The following PTPRD variants were observed in gnomAD, a reference collection of about 807,000 sequenced individuals.
PTPRD encodes the protein protein tyrosine phosphatase receptor type D, also known as receptor-type tyrosine-protein phosphatase delta.
PTPRD carries 34 observed loss-of-function variants against 214.5 expected under a neutral mutation model. The observed-to-expected ratio is 0.16, with a 90% CI of 0.12 to 0.21. The LOEUF (loss-of-function observed/expected upper bound fraction) is 0.21. Among genes scored for constraint, PTPRD ranks in the 10% least tolerant of loss-of-function variants. The probability of loss-of-function intolerance (pLI) is 1.00; values close to 1 mark genes in which losing one functional copy is unlikely to be tolerated. For missense variants in PTPRD, 2,545 were observed against 2,398.7 expected (o/e 1.06, Z -1.27); for synonymous variants, 1,128 against 845.7 (o/e 1.33, Z -5.79).
chr9:10,227,873 T>C (rs1256230441), intron 3 of PTPRD, among the ~76,000 whole-genome samples: 1 of 151,780 alleles, frequency 6.6e-6, no homozygotes, highest in East Asian at 2.0e-4. Flanking sequence ...CCGGCCCTAC[T>C]TGGCTGAGGA....
intron 4 of PTPRD, among the ~76,000 whole-genome samples, chr9:10,027,672 T>C (rs1005978738): frequency 3.3e-5 from 5 of 152,164 alleles, no homozygotes; most frequent in Non-Finnish European, 7.3e-5. Flanking sequence ...GAACTTGTCA[T>C]GGTTATGGCA....
chr9:9,887,198 A>G (rs534854752), intron 5 of PTPRD, among the ~76,000 whole-genome samples: 2 of 152,238 alleles, frequency 1.3e-5, no homozygotes, highest in South Asian at 4.1e-4. Context: ...CCTTCTGTCA[A>G]TATCATAGCA....
At chr9:8,333,642 T>C (rs190921516) in intron 43 of PTPRD, among the ~76,000 whole-genome samples, 6 of 140,498 alleles carry the variant, frequency 4.3e-5, no homozygotes, top group African/African-American at 6.6e-5. Context: ...AGAAGCTGCA[T>C]AATTAATGGG....
intron 6 of PTPRD, among the ~76,000 whole-genome samples, chr9:9,765,371 C>G (rs1385181235): frequency 6.6e-6 from 1 of 152,150 alleles, no homozygotes; most frequent in Admixed American, 6.5e-5. Context: ...GAACAGGCAT[C>G]AATTACTAAT....
At chr9:8,484,598 A>G (rs1050572804) in intron 29 of PTPRD, among the ~76,000 whole-genome samples, 6 of 151,902 alleles carry the variant, frequency 3.9e-5, no homozygotes, top group African/African-American at 1.2e-4. Flanking sequence ...TATCAAAAAT[A>G]CACAAAGATA....
chr9:9,044,984 AG>A (rs2099667623), intron 10 of PTPRD, among the ~76,000 whole-genome samples: 1 of 152,218 alleles, frequency 6.6e-6, no homozygotes, highest in African/African-American at 2.4e-5. Context: ...GATAATCAAC[AG>A]AAACAAGAAA....
intron 5 of PTPRD, among the ~76,000 whole-genome samples, chr9:9,868,751 T>A (rs1028092439): frequency 6.6e-6 from 1 of 151,940 alleles, no homozygotes; most frequent in Non-Finnish European, 1.5e-5. Flanking sequence ...AATGAAATCT[T>A]AAAAACTTTC....
intron 4 of PTPRD, among the ~76,000 whole-genome samples, chr9:9,987,513 G>C (rs970916907): frequency 2.0e-5 from 3 of 152,098 alleles, no homozygotes; most frequent in East Asian, 3.9e-4. Flanking sequence ...CCAATCTCAT[G>C]AGACCAATTC....
chr9:8,810,047 T>A (rs2096769898), intron 11 of PTPRD, among the ~76,000 whole-genome samples: 1 of 152,208 alleles, frequency 6.6e-6, no homozygotes, highest in South Asian at 2.1e-4. Flanking sequence ...AGTGCTCCCC[T>A]AATGGATATG....
At chr9:10,013,369 T>G (rs1027692462) in intron 4 of PTPRD, among the ~76,000 whole-genome samples, 3 of 151,946 alleles carry the variant, frequency 2.0e-5, no homozygotes, top group Non-Finnish European at 4.4e-5. Flanking sequence ...AAATGAATAT[T>G]CCATTTGTAA....
At chr9:9,587,857 G>A (rs2092258693) in intron 7 of PTPRD, among the ~76,000 whole-genome samples, 1 of 152,002 alleles carries the variant, frequency 6.6e-6, no homozygotes, top group Non-Finnish European at 1.5e-5. Flanking sequence ...TGGGTTGGTG[G>A]TTGGAATTGG....
chr9:8,537,395 A>G (rs934442598), intron 14 of PTPRD, among the ~76,000 whole-genome samples: 12 of 152,108 alleles, frequency 7.9e-5, no homozygotes, highest in African/African-American at 2.7e-4. Context: ...TACGATAAAT[A>G]TAAGATCTGT....
intron 5 of PTPRD, chr9:9,799,731 A>G (rs1464143529): frequency 6.6e-6 from 1 of 152,216 alleles, no homozygotes. Flanking sequence ...AAATAAAATG[A>G]TGTCCCAATG....
In PTPRD at chr9:8,756,650, A is replaced by T. The variant is rs2094008876; in HGVS notation, c.-103-22704T>A. The stretch of plus-strand genomic sequence containing the variant: ...AAGGTCCAATCACCAAGCCTAGTCC[A>T]TGCTTAGGAATTTCCAAGGTACTTA... On this transcript the variant is annotated intron_variant, in intron 11 of 45. Coordinates refer to ENST00000381196, the MANE Select transcript of PTPRD (RefSeq NM_002839.4). Among the ~76,000 whole-genome samples, 3 of 152,226 alleles carry T rather than the reference A, an allele frequency of 2.0e-5. No individual in the cohort carries two copies. In the South Asian group the frequency reaches 6.2e-4, roughly 32 times the overall value.
intron 2 of PTPRD, among the ~76,000 whole-genome samples, chr9:10,525,592 T>C (rs936815261): frequency 2.0e-5 from 3 of 152,132 alleles, no homozygotes; most frequent in Non-Finnish European, 4.4e-5. Flanking sequence ...ATTGTCTTAC[T>C]TCAGAGTCTT....
intron 37 of PTPRD, 46 bp downstream of exon 37, chr9:8,389,186 C>T (rs771159830): frequency 6.5e-7 from 1 of 1,534,646 alleles, no homozygotes; most frequent in African/African-American, 1.4e-5. Context: ...CATAGGGACT[C>T]TGAGGGAAAA....
intron 5 of PTPRD, among the ~76,000 whole-genome samples, chr9:9,773,656 G>C (rs1176798881): frequency 6.6e-6 from 1 of 152,198 alleles, no homozygotes; most frequent in Non-Finnish European, 1.5e-5. Context: ...CTCCAAGTGA[G>C]AGTTTAGCAA....
intron 14 of PTPRD, among the ~76,000 whole-genome samples, chr9:8,599,433 A>G (rs994492844): frequency 1.3e-5 from 2 of 152,142 alleles, no homozygotes; most frequent in Admixed American, 6.6e-5. Context: ...TTACCTATGG[A>G]ACATCTTGTG....
chr9:9,346,828 GA>G (rs1569567573), intron 9 of PTPRD, among the ~76,000 whole-genome samples: 1 of 152,048 alleles, frequency 6.6e-6, no homozygotes, highest in East Asian at 1.9e-4. Context: ...AAGTAGCTGG[GA>G]TTACAGGCGC....
Sources: gnomAD v4.1 joint callset for allele counts (sites outside exome capture counted in the v4.1 genomes callset) on GRCh38, gnomAD v4.1.1 for gene constraint, MANE v1.5 for transcripts, NCBI Gene and HGNC (gene_info 2026-07-23, HGNC 2026-07-21) for gene names.